PCDHB15: variants seen among roughly 807,000 people sequenced by gnomAD.
The protein encoded by PCDHB15 is protocadherin beta-15.
For missense variants in PCDHB15, 1,032 were observed against 991.7 expected, an observed-to-expected ratio of 1.04 and a Z score of -0.55; for synonymous variants, 492 against 447.9, an observed-to-expected ratio of 1.10 and a Z score of -1.24.
At position 141,247,128 on chromosome 5, in the gene PCDHB15, A is replaced by C; in HGVS notation, c.1550A>C (p.Gln517Pro). The C allele has an allele frequency of 6.2e-7, 1 of 1,613,896 alleles. No homozygotes were observed. The highest frequency in any genetic ancestry group is 8.5e-7 in the Non-Finnish European group (1 of 1,179,882). Residue 517 changes from glutamine (Q) to proline (P), a missense_variant, in exon 1 of 1, where the codon CAG (glutamine) becomes CCG (proline). Transcript: ENST00000231173. ...GACAACGGCCACCTGTTCGCTCTCC[A>C]GTCGCTGGACTACGAGGCCCTGCAG... ...NTDNGHLFALQSLDYEALQAF... is the reference protein window; with the variant it reads ...NTDNGHLFALPSLDYEALQAF...
In PCDHB15 at chr5:141,246,163, G is replaced by T. The variant is rs1755253940; in HGVS notation, c.585G>T (p.Val195=). The change falls in exon 1 of 1, where the codon GTG becomes GTT. Residue 195 remains valine, a synonymous_variant. Transcript: ENST00000231173. ...ATGGCAGGAAATACCCAGAGCTGGT[G>T]CTGGACACAGAACTGGATCGCGAGG... ...RGDGRKYPEL[V]LDTELDREEQ... 1 of 1,614,206 alleles carries T rather than the reference G, an allele frequency of 6.2e-7. No individual in the cohort carries two copies. The highest frequency in any genetic ancestry group is 1.1e-5 in the South Asian group (1 of 91,084).
rs61742734 is a variant in PCDHB15 at position 141,247,079 on chromosome 5, A to G, written c.1501A>G (p.Thr501Ala). 1.8e-5 allele frequency: 29 copies of G among 1,613,136 alleles called. No homozygotes were observed. The highest frequency in any genetic ancestry group is 9.9e-5 in the South Asian group (9 of 91,014). ...GCCCCGGGACCCGCACCTGCCCCTC[A>G]CCTCCCTGGTCTCCATTAACACGGA... Reference protein sequence around the residue: ...LPPRDPHLPLTSLVSINTDNG... With the variant: ...LPPRDPHLPLASLVSINTDNG... Residue 501 changes from threonine to alanine, a missense_variant, in exon 1 of 1, where the codon ACC becomes GCC. Transcript: ENST00000231173.
chr5:141,247,397 C>T lies in PCDHB15; in HGVS notation c.1819C>T (p.Leu607Phe), dbSNP rs576612156. The T allele has an allele frequency of 2.6e-5, 41 of 1,605,476 alleles. No individual in the cohort carries two copies. The East Asian group carries it at 8.7e-4, about 34-fold the overall frequency. Residue 607 changes from leucine to phenylalanine, a missense_variant, in exon 1 of 1, where the codon CTC (leucine) becomes TTC (phenylalanine). Physicochemically the swap from Leu to Phe is conservative, Grantham distance 22. Transcript: ENST00000231173. ...GAACGCCTGGCTGTCGTACCAGCTG[C>T]TCAAGGCCACGGAGCCCGGGCTGTT... ...GQNAWLSYQL[L>F]KATEPGLFGV...
Position 141,246,111 on chromosome 5 carries a change from T to G in PCDHB15, c.533T>G (p.Phe178Cys), listed in dbSNP as rs1383070506. Residue 178 changes from phenylalanine to cysteine, a missense_variant, in exon 1 of 1, where the codon TTC (phenylalanine) becomes TGC (cysteine). Transcript: ENST00000231173. The part of the protein sequence containing the change: ...QNYNISPNSH[F>C]HVSTRTRGDG... The stretch of plus-strand genomic sequence containing the variant: ...TACAATATTTCTCCCAATTCTCATT[T>G]CCATGTTTCCACTCGCACCCGAGGG... 1 of 1,614,066 alleles carries G rather than the reference T, an allele frequency of 6.2e-7. No individual in the cohort carries two copies. Among genetic ancestry groups the G allele is most frequent in the Non-Finnish European group, 8.5e-7 (1 of 1,180,054 alleles).
rs1371705552 is a variant in PCDHB15, at chr5:141,247,221, G to C, written c.1643G>C (p.Arg548Pro). The stretch of plus-strand genomic sequence containing the variant: ...GCGCTGAGCAGCGAGGCGCTGGTGC[G>C]AGTGCTGGTGCTGGACGCCAACGAC... ...FPALSSEALVRVLVLDANDNS... is the reference protein window; with the variant it reads ...FPALSSEALVPVLVLDANDNS... The change falls in exon 1 of 1, where the codon CGA (arginine) becomes CCA (proline). Residue 548 changes from arginine to proline, a missense_variant. Transcript: ENST00000231173. The C allele has an allele frequency of 2.5e-6, 4 of 1,611,950 alleles. No individual in the cohort carries two copies. The highest frequency in any genetic ancestry group is 1.3e-5 in the African/African-American group (1 of 74,878).
chr5:141,245,480 C>G lies in PCDHB15; in HGVS notation c.-99C>G. On this transcript the variant is annotated 5_prime_UTR_variant, in exon 1 of 1. Coordinates refer to ENST00000231173, the MANE Select transcript of PCDHB15 (RefSeq NM_018935.4). The stretch of plus-strand genomic sequence containing the variant: ...AATGCTATTCTCCTACATTTCCGAA[C>G]AGGTTATCAACGCACAGATCGATCA... The G allele has an allele frequency of 5.0e-6, 5 of 997,068 alleles. No homozygotes were observed. Among genetic ancestry groups the G allele is most frequent in the South Asian group, 1.6e-5 (1 of 62,788 alleles). The allele number at this position is 997,068 out of a possible 1,614,324, so 61.8% of individuals were successfully genotyped here.
Position 141,247,914 on chromosome 5 carries a change from C to T in PCDHB15, c.2336C>T (p.Ser779Phe), listed in dbSNP as rs185701275. The T allele has an allele frequency of 5.1e-5, 82 of 1,606,264 alleles. No individual in the cohort carries two copies. The Admixed American group carries it at 5.1e-4, about 10-fold the overall frequency. The change falls in exon 1 of 1, where the codon TCT becomes TTT. Residue 779 changes from serine (S) to phenylalanine (F), a missense_variant. Ser to Phe is a radical substitution (Grantham distance 155, BLOSUM62 -2). Coordinates refer to ENST00000231173, the MANE Select transcript of PCDHB15 (RefSeq NM_018935.4). The part of the protein sequence containing the change: ...PIFPNIVSQD[S>F]RRKSEFLE ...TTCCCAAATATTGTAAGCCAGGACT[C>T]TAGGAGGAAATCAGAATTTCTAGAA... is the stretch of plus-strand genomic sequence containing the variant.
In PCDHB15 at chr5:141,246,220, G is replaced by T. The variant is rs200048407; in HGVS notation, c.642G>T (p.Ala214=). 6.2e-7 allele frequency: 1 copy of T among 1,614,146 alleles called. No homozygotes were observed. Among genetic ancestry groups the T allele is most frequent in the Non-Finnish European group, 8.5e-7 (1 of 1,180,010 alleles). The change falls in exon 1 of 1, where the codon GCG becomes GCT. Residue 214 remains alanine (A), a synonymous_variant. Coordinates refer to ENST00000231173, the MANE Select transcript of PCDHB15 (RefSeq NM_018935.4). ...EQAELRLTLT[A]VDGGSPPRSG... ...CCGAGCTCAGATTAACCTTGACAGC[G>T]GTGGACGGTGGCTCTCCACCCCGAT...
At position 141,245,800 on chromosome 5, in the gene PCDHB15, C is replaced by T; in HGVS notation, c.222C>T (p.Gly74=). The T allele has an allele frequency of 1.9e-6, 3 of 1,614,166 alleles. No homozygotes were observed. The highest frequency in any genetic ancestry group is 2.5e-6 in the Non-Finnish European group (3 of 1,180,036). ...ARVVSEDNEQ[G]LQLDLQTGQL... ...TAGTTTCTGAGGATAACGAACAAGG[C>T]TTGCAGCTTGATCTGCAGACCGGGC... Residue 74 remains glycine (G), a synonymous_variant, in exon 1 of 1, where the codon GGC becomes GGT. Transcript: ENST00000231173.
rs782552251 is a variant in PCDHB15 at position 141,247,055 on chromosome 5, C to T, written c.1477C>T (p.Pro493Ser). ...CCAGGTCACCTACTCGCTGCTGCCG[C>T]CCCGGGACCCGCACCTGCCCCTCAC... Reference protein sequence around the residue: ...NAQVTYSLLPPRDPHLPLTSL... With the variant: ...NAQVTYSLLPSRDPHLPLTSL... The change falls in exon 1 of 1, where the codon CCC becomes TCC. Residue 493 changes from proline to serine, a missense_variant. By Grantham distance (74) the Pro-to-Ser change is moderately conservative. Coordinates refer to ENST00000231173, the MANE Select transcript of PCDHB15 (RefSeq NM_018935.4). 5 of 1,613,716 alleles carry T rather than the reference C, an allele frequency of 3.1e-6. No homozygotes were observed. The highest frequency in any genetic ancestry group is 1.7e-5 in the Admixed American group (1 of 60,012).
Position 141,247,255 on chromosome 5 carries a change from C to G in PCDHB15, c.1677C>G (p.Pro559=). ...VLVLDANDNS[P]FVLYPLQNGS... ...TGCTGGACGCCAACGACAACTCGCC[C>G]TTCGTGCTGTACCCGCTGCAGAACG... The change falls in exon 1 of 1, where the codon CCC becomes CCG. Residue 559 remains proline, a synonymous_variant. Transcript: ENST00000231173. 1 of 1,611,436 alleles carries G rather than the reference C, an allele frequency of 6.2e-7. No homozygotes were observed. The highest frequency in any genetic ancestry group is 8.5e-7 in the Non-Finnish European group (1 of 1,179,578).
Position 141,246,400 on chromosome 5 carries a change from T to G in PCDHB15, c.822T>G (p.Asn274Lys). The change falls in exon 1 of 1, where the codon AAT becomes AAG. Residue 274 changes from asparagine to lysine, a missense_variant. Asn to Lys is a moderately conservative substitution (Grantham distance 94). Transcript: ENST00000231173. Reference protein sequence around the residue: ...VSARDLDTGTNGEISYSLYYS... With the variant: ...VSARDLDTGTKGEISYSLYYS... Reference sequence around the variant, plus strand: ...CTAGGGATTTAGACACTGGGACAAATGGAGAGATATCATACTCCCTTTATT... The same window carrying G: ...CTAGGGATTTAGACACTGGGACAAAGGGAGAGATATCATACTCCCTTTATT... 6.2e-7 allele frequency: 1 copy of G among 1,613,774 alleles called. No individual in the cohort carries two copies. The highest frequency in any genetic ancestry group is 1.1e-5 in the South Asian group (1 of 91,070).
rs1564027520 is a variant in PCDHB15 at position 141,248,287 on chromosome 5, T to G, written c.*345T>G. 5.8e-6 allele frequency: 1 copy of G among 173,390 alleles called. No individual in the cohort carries two copies. Among genetic ancestry groups the G allele is most frequent in the Non-Finnish European group, 1.4e-5 (1 of 72,870 alleles). The allele number at this position is 173,390 out of a possible 1,614,324, so 10.7% of individuals were successfully genotyped here. A position where few individuals can be genotyped will look rare whatever the true frequency, so the allele number is the denominator to read the frequency against. On this transcript the variant is annotated 3_prime_UTR_variant, in exon 1 of 1. Coordinates refer to ENST00000231173, the MANE Select transcript of PCDHB15 (RefSeq NM_018935.4). ...TAAGAATGTATGATTTTTGAAGTCATATTTTAAGTTTTTTTTATAGTTTTT... is the reference window on the plus strand; with the variant it reads ...TAAGAATGTATGATTTTTGAAGTCAGATTTTAAGTTTTTTTTATAGTTTTT...
rs1473276681 is a variant in PCDHB15 at position 141,248,074 on chromosome 5, T to C, written c.*132T>C. 9.0e-6 allele frequency: 7 copies of C among 782,100 alleles called. No individual in the cohort carries two copies. In the African/African-American group the frequency reaches 1.1e-4, roughly 12 times the overall value. 48.4% of individuals were successfully genotyped at this position (782,100 alleles called of 1,614,324 possible). A position where few individuals can be genotyped will look rare whatever the true frequency, so the allele number is the denominator to read the frequency against. On this transcript the variant is annotated 3_prime_UTR_variant, in exon 1 of 1. Coordinates refer to ENST00000231173, the MANE Select transcript of PCDHB15 (RefSeq NM_018935.4). Reference sequence around the variant, plus strand: ...TTTCTACTGTTGTCTTTAGTAATGTTACTCATTTCCTTTGTCTGATTGTTA... The same window carrying C: ...TTTCTACTGTTGTCTTTAGTAATGTCACTCATTTCCTTTGTCTGATTGTTA...
rs376433282 is a variant in PCDHB15, at chr5:141,245,592, G to C, written c.14G>C (p.Gly5Ala). The C allele has an allele frequency of 3.1e-6, 5 of 1,614,010 alleles. No individual in the cohort carries two copies. The African/African-American group carries it at 6.7e-5, about 22-fold the overall frequency. Residue 5 changes from glycine (G) to alanine (A), a missense_variant, in exon 1 of 1, where the codon GGG becomes GCG. Physicochemically the swap from Gly to Ala is moderately conservative, Grantham distance 60 (BLOSUM62 0). Coordinates refer to ENST00000231173, the MANE Select transcript of PCDHB15 (RefSeq NM_018935.4). MEPA[G>A]ERFPEQRQVL... Reference sequence around the variant, plus strand: ...ACAGAAGTAAAGATGGAGCCTGCAGGGGAGCGCTTTCCCGAACAAAGGCAA... The same window carrying C: ...ACAGAAGTAAAGATGGAGCCTGCAGCGGAGCGCTTTCCCGAACAAAGGCAA...
chr5:141,245,485 T>C lies in PCDHB15; in HGVS notation c.-94T>C, dbSNP rs930256181. The C allele has an allele frequency of 3.4e-5, 36 of 1,070,920 alleles. No individual in the cohort carries two copies. Among genetic ancestry groups the C allele is most frequent in the Non-Finnish European group, 4.9e-5 (36 of 733,276 alleles). The allele number at this position is 1,070,920 out of a possible 1,614,324, so 66.3% of individuals were successfully genotyped here. A position where few individuals can be genotyped will look rare whatever the true frequency, so the allele number is the denominator to read the frequency against. On this transcript the variant is annotated 5_prime_UTR_variant, in exon 1 of 1. Coordinates refer to ENST00000231173, the MANE Select transcript of PCDHB15 (RefSeq NM_018935.4). Reference sequence around the variant, plus strand: ...TATTCTCCTACATTTCCGAACAGGTTATCAACGCACAGATCGATCACTGCC... The same window carrying C: ...TATTCTCCTACATTTCCGAACAGGTCATCAACGCACAGATCGATCACTGCC...
In PCDHB15 at chr5:141,246,998, A is replaced by C. The variant is rs618506; in HGVS notation, c.1420A>C (p.Ser474Arg). Residue 474 changes from serine to arginine, a missense_variant, in exon 1 of 1, where the codon AGC (serine) becomes CGC (arginine). Coordinates refer to ENST00000231173, the MANE Select transcript of PCDHB15 (RefSeq NM_018935.4). ...CCCCGCCCTGCACATCGGCAGTGTC[A>C]GCGCCACAGACAGAGACTCGGGCAC... is the stretch of plus-strand genomic sequence containing the variant. ...NSPALHIGSV[S>R]ATDRDSGTNA... 370,353 of 1,613,048 alleles carry C rather than the reference A, an allele frequency of 0.23. 46,929 individuals carry two copies. The highest frequency in any genetic ancestry group is 0.53 in the East Asian group (23,590 of 44,804).
rs782452783 is a variant in PCDHB15, at chr5:141,247,738, C to A, written c.2160C>A (p.Ala720=). The A allele has an allele frequency of 3.7e-6, 6 of 1,614,008 alleles. No individual in the cohort carries two copies. In the South Asian group the frequency reaches 4.4e-5, roughly 12 times the overall value. ...GGCTGTGCAGGAGGAGCAGGGCGGCCTCAGTGGGTCGCTGCTCGGTGCCCG... is the reference window on the plus strand; with the variant it reads ...GGCTGTGCAGGAGGAGCAGGGCGGCATCAGTGGGTCGCTGCTCGGTGCCCG... ...AVRLCRRSRA[A]SVGRCSVPEG... Residue 720 remains alanine, a synonymous_variant, in exon 1 of 1, where the codon GCC becomes GCA. Transcript: ENST00000231173.
In PCDHB15 at chr5:141,246,838, C is replaced by T. The variant is rs1755276614; in HGVS notation, c.1260C>T (p.Thr420=). Residue 420 remains threonine, a synonymous_variant, in exon 1 of 1, where the codon ACC becomes ACT. Coordinates refer to ENST00000231173, the MANE Select transcript of PCDHB15 (RefSeq NM_018935.4). ...AGACCAGAGCCGAGTACAACATCAC[C>T]ATCACCATCACAGACTTGGGGACTC... The part of the protein sequence containing the change: ...DRETRAEYNI[T]ITITDLGTPR... 3 of 1,614,056 alleles carry T rather than the reference C, an allele frequency of 1.9e-6. No homozygotes were observed. In the South Asian group the frequency reaches 3.3e-5, roughly 18 times the overall value.
Sources: allele counts gnomAD v4.1 joint callset, GRCh38; gene constraint gnomAD v4.1.1; transcripts MANE v1.5; gene names NCBI Gene and HGNC (gene_info 2026-07-23, HGNC 2026-07-21).